The following ZC3H12B variants were observed in gnomAD, a reference collection of about 807,000 sequenced individuals.
The protein encoded by ZC3H12B is zinc finger CCCH-type containing 12B.
Under a neutral mutation model 43.9 loss-of-function variants are expected in ZC3H12B, and 7 were observed. The observed-to-expected ratio is 0.16, with a 90% CI of 0.09 to 0.30. The LOEUF is 0.30. Ranked by LOEUF, ZC3H12B falls within the 10% of genes least tolerant of loss-of-function variation. ZC3H12B has a pLI of 1.00. For missense variants in ZC3H12B, 475 were observed against 670.2 expected, an observed-to-expected ratio of 0.71 and a Z score of 3.22; for synonymous variants, 222 against 241.7, an observed-to-expected ratio of 0.92 and a Z score of 0.76.
At chrX:65,442,411 G>A (rs2067313687) in intron 3 of ZC3H12B, among the ~76,000 whole-genome samples, 2 of 111,227 alleles carry the variant, frequency 1.8e-5, no homozygotes, top group Admixed American at 1.9e-4. Context: ...GAAAGGTATT[G>A]TTCTCCACCT....
At chrX:65,212,693 A>AATATATATGATTTATATATCATATATAT in the ZC3H12B span, among the ~76,000 whole-genome samples, 22 of 90,399 alleles carry the variant, frequency 2.4e-4, no homozygotes, top group Admixed American at 7.4e-4. Context: ...ATCATATATA[A>AATATATATGATTTATATATCATATATAT]ATATATATGA....
the ZC3H12B span, chrX:65,271,383 C>A: frequency 8.9e-6 from 1 of 112,720 alleles, no homozygotes; most frequent in South Asian, 3.7e-4. Flanking sequence ...TTATTGAACT[C>A]AATGCTTATT....
At chrX:65,214,880 T>G in the ZC3H12B span, among the ~76,000 whole-genome samples, 1 of 111,672 alleles carries the variant, frequency 9.0e-6, no homozygotes, top group African/African-American at 3.2e-5. Flanking sequence ...TTAAAAATAC[T>G]TCTTGATTCA....
At chrX:65,044,312 A>G in the ZC3H12B span, among the ~76,000 whole-genome samples, 1 of 111,094 alleles carries the variant, frequency 9.0e-6, no homozygotes, top group Non-Finnish European at 1.9e-5. Flanking sequence ...CCTGCTTGGT[A>G]TGTTCAATGA....
At chrX:65,408,050 C>G in intron 3 of ZC3H12B, 1 of 1,163,526 alleles carries the variant, frequency 8.6e-7, no homozygotes, top group Non-Finnish European at 1.1e-6. Flanking sequence ...AATTGAGTTG[C>G]CGGGGAACAG....
chrX:65,224,116 C>G, the ZC3H12B span, among the ~76,000 whole-genome samples: 1 of 112,420 alleles, frequency 8.9e-6, no homozygotes, highest in African/African-American at 3.2e-5. Flanking sequence ...GAATATTACT[C>G]TGCCATAAAA....
At chrX:65,296,572 A>G in the ZC3H12B span, among the ~76,000 whole-genome samples, 2 of 111,689 alleles carry the variant, frequency 1.8e-5, no homozygotes, top group Non-Finnish European at 3.8e-5. Context: ...ATTCTATCAG[A>G]CATTCAAATG....
At chrX:65,218,042 ATAAC>A in the ZC3H12B span, among the ~76,000 whole-genome samples, 3 of 112,394 alleles carry the variant, frequency 2.7e-5, no homozygotes, top group Non-Finnish European at 5.6e-5. Context: ...CAAAGATAAA[ATAAC>A]TAATTCTAAA....
chrX:65,195,320 G>A, the ZC3H12B span, among the ~76,000 whole-genome samples: 1 of 110,787 alleles, frequency 9.0e-6, no homozygotes, highest in African/African-American at 3.3e-5. Flanking sequence ...TTTACATTTT[G>A]CATATCTTTG....
chrX:65,301,175 A>T, the ZC3H12B span, among the ~76,000 whole-genome samples: 60 of 108,756 alleles, frequency 5.5e-4, no homozygotes, highest in Middle Eastern at 4.7e-3. Context: ...ATAAAAATTT[A>T]AAAAAAAAAT....
chrX:65,420,127 C>T (rs767338789), intron 3 of ZC3H12B, among the ~76,000 whole-genome samples: 3 of 111,900 alleles, frequency 2.7e-5, no homozygotes, highest in Non-Finnish European at 3.8e-5. Context: ...CAAGGCCTAT[C>T]CCAGCATTAG....
chrX:65,154,989 T>C, the ZC3H12B span, among the ~76,000 whole-genome samples: 1 of 108,817 alleles, frequency 9.2e-6, no homozygotes, highest in Non-Finnish European at 1.9e-5. Context: ...TTTGACTGTG[T>C]CTTGCTCCCA....
intron 2 of ZC3H12B, among the ~76,000 whole-genome samples, chrX:65,397,771 T>A (rs1302006462): frequency 8.9e-6 from 1 of 111,791 alleles, no homozygotes; most frequent in Non-Finnish European, 1.9e-5. Flanking sequence ...GTACTAGAAG[T>A]CCAAGCTAGA....
chrX:65,493,348 A>G (rs2068232722), intron 1 of ZC3H12B, among the ~76,000 whole-genome samples: 2 of 110,424 alleles, frequency 1.8e-5, no homozygotes, highest in South Asian at 7.8e-4. Flanking sequence ...GCGCCACTAC[A>G]CTCCAGCCTG....
the ZC3H12B span, among the ~76,000 whole-genome samples, chrX:65,211,682 T>C: frequency 6.7e-5 from 6 of 89,158 alleles, no homozygotes; most frequent in Non-Finnish European, 1.1e-4. Context: ...TATATAATTA[T>C]ATATATAATA....
the ZC3H12B span, among the ~76,000 whole-genome samples, chrX:65,137,328 G>C: frequency 2.7e-5 from 3 of 111,825 alleles, no homozygotes; most frequent in Non-Finnish European, 3.8e-5. Flanking sequence ...AAAACAGTTT[G>C]GATTATGAGT....
chrX:65,491,895 G>C (rs1302248761), intron 1 of ZC3H12B, among the ~76,000 whole-genome samples: 1 of 109,534 alleles, frequency 9.1e-6, no homozygotes, highest in East Asian at 2.8e-4. Context: ...AAAGTTAAAT[G>C]GTCTGCACAC....
the ZC3H12B span, among the ~76,000 whole-genome samples, chrX:65,050,413 C>G: frequency 9.1e-6 from 1 of 110,300 alleles, no homozygotes; most frequent in African/African-American, 3.3e-5. Flanking sequence ...GCTAATTGCT[C>G]TGGAGAGGAT....
chrX:65,498,271 C>T (rs753543859), intron 2 of ZC3H12B, among the ~76,000 whole-genome samples: 5 of 111,832 alleles, frequency 4.5e-5, no homozygotes, highest in Admixed American at 9.5e-5. Flanking sequence ...TTTCAAAAGT[C>T]ATGATGCAGT....
Sources: gnomAD v4.1 joint callset for allele counts (sites outside exome capture counted in the v4.1 genomes callset) on GRCh38, gnomAD v4.1.1 for gene constraint, MANE v1.5 for transcripts, NCBI Gene and HGNC (gene_info 2026-07-23, HGNC 2026-07-21) for gene names.